Variants in DOCK5 observed in about 807,000 individuals in gnomAD.
The protein encoded by DOCK5 is dedicator of cytokinesis protein 5.
Under a neutral mutation model 251.8 loss-of-function variants are expected in DOCK5, and 142 were observed. That is an observed-to-expected ratio of 0.56 (90% CI 0.49 to 0.65). The LOEUF (loss-of-function observed/expected upper bound fraction) is 0.65, where lower values mean the gene tolerates loss of function less well. Ranked by LOEUF, DOCK5 falls within the 30% of genes least tolerant of loss-of-function variation. The pLI is 0.00. For missense variants in DOCK5, 2,111 were observed against 2,312.3 expected (o/e 0.91, Z 1.79); for synonymous variants, 842 against 835.5 (o/e 1.01, Z -0.13).
chr8:25,400,962 G>T lies in DOCK5; in HGVS notation c.4822G>T (p.Gly1608Trp). 6.2e-7 allele frequency: 1 copy of T among 1,613,998 alleles called. No homozygotes were observed. The highest frequency in any genetic ancestry group is 8.5e-7 in the Non-Finnish European group (1 of 1,179,886). ...PLLTEGIRIHGEKLTEQLKPL... is the reference protein window; with the variant it reads ...PLLTEGIRIHWEKLTEQLKPL... ...GCTAACAGAAGGGATCCGCATCCAT[G>T]GGGAGAAACTCACAGAGCAGCTGAA... Residue 1608 changes from glycine (G) to tryptophan (W), a missense_variant, in exon 47 of 52, where the codon GGG (glycine) becomes TGG (tryptophan). By Grantham distance (184) the Gly-to-Trp change is radical. This residue lies in a region of DOCK5 where 1,717 missense variants were observed against 1,892.4 expected (regional missense o/e 0.91). Transcript: ENST00000276440.
At chr8:25,392,451 C>G (rs915731203) in intron 43 of DOCK5, among the ~76,000 whole-genome samples, 2 of 152,230 alleles carry the variant, frequency 1.3e-5, no homozygotes, top group South Asian at 2.1e-4. Context: ...ATTACCTAGA[C>G]AGCCAGCTGT....
At chr8:25,379,849 TACACAC>T (rs10569921) in intron 38 of DOCK5, among the ~76,000 whole-genome samples, 21 of 146,692 alleles carry the variant, frequency 1.4e-4, no homozygotes, top group African/African-American at 3.0e-4. Context: ...TCACTACACC[TACACAC>T]ACACACACAC....
At chr8:25,288,000 C>T (rs1034275768) in intron 5 of DOCK5, among the ~76,000 whole-genome samples, 1 of 151,730 alleles carries the variant, frequency 6.6e-6, no homozygotes, top group Non-Finnish European at 1.5e-5. Flanking sequence ...ATTCTCCTGC[C>T]TCAGCCTCTT....
intron 3 of DOCK5, among the ~76,000 whole-genome samples, chr8:25,271,830 T>C (rs868687816): frequency 2.0e-5 from 3 of 152,304 alleles, no homozygotes; most frequent in Middle Eastern, 6.8e-3. Flanking sequence ...TTACTCTGAC[T>C]TTCTGTGTGT....
chr8:25,291,760 G>C (rs1016258240), intron 5 of DOCK5, among the ~76,000 whole-genome samples: 1 of 150,218 alleles, frequency 6.7e-6, no homozygotes, highest in Non-Finnish European at 1.5e-5. Flanking sequence ...GGCCGAGGCG[G>C]GTAGATCCAT....
At chr8:25,217,752 T>C (rs1236889571) in intron 1 of DOCK5, among the ~76,000 whole-genome samples, 1 of 152,196 alleles carries the variant, frequency 6.6e-6, no homozygotes, top group Admixed American at 6.5e-5. Context: ...GCAGTATGCA[T>C]GACATTAATC....
At chr8:25,303,728 G>A (rs1283811580) in intron 10 of DOCK5, among the ~76,000 whole-genome samples, 6 of 152,148 alleles carry the variant, frequency 3.9e-5, no homozygotes, top group Non-Finnish European at 7.4e-5. Context: ...TTGGGAGGCC[G>A]AGGCAGGCAG....
chr8:25,202,281 CTG>C (rs939235689), intron 1 of DOCK5, among the ~76,000 whole-genome samples: 1 of 152,252 alleles, frequency 6.6e-6, no homozygotes, highest in African/African-American at 2.4e-5. Context: ...GCCTCCCAAA[CTG>C]TTGGCATTAC....
chr8:25,370,171 C>G (rs1340992415), intron 34 of DOCK5, among the ~76,000 whole-genome samples: 3 of 152,204 alleles, frequency 2.0e-5, no homozygotes, highest in African/African-American at 7.2e-5. Flanking sequence ...CCTCTTCCCC[C>G]ACCACCACAC....
At chr8:25,286,379 AC>A (rs1227841241) in intron 5 of DOCK5, among the ~76,000 whole-genome samples, 1 of 152,216 alleles carries the variant, frequency 6.6e-6, no homozygotes, top group Non-Finnish European at 1.5e-5. Flanking sequence ...AGACTCAAAG[AC>A]GCTTATCCTT....
intron 10 of DOCK5, 53 bp downstream of exon 10, chr8:25,302,507 A>G: frequency 6.9e-7 from 1 of 1,439,410 alleles, no homozygotes; most frequent in Non-Finnish European, 9.2e-7. Flanking sequence ...TGTGGAAAAT[A>G]GCATGGCGAT....
In DOCK5 at chr8:25,325,376, A is replaced by G; in HGVS notation, c.1732A>G (p.Lys578Glu). 6.2e-7 allele frequency: 1 copy of G among 1,613,654 alleles called. No homozygotes were observed. Among genetic ancestry groups the G allele is most frequent in the Middle Eastern group, 1.7e-4 (1 of 6,058 alleles). The change falls in exon 18 of 52, where the codon AAA becomes GAA. Residue 578 changes from lysine to glutamate, a missense_variant. By Grantham distance (56) the Lys-to-Glu change is moderately conservative (BLOSUM62 1). This residue lies in a region of DOCK5 where 1,717 missense variants were observed against 1,892.4 expected (regional missense o/e 0.91). Transcript: ENST00000276440. ...DLVVYKGDNK[K>E]MEDAKFYLTL... ...TGCTTCCTTTTAGGGTGACAACAAA[A>G]AAATGGAAGATGCTAAATTCTACCT...
intron 22 of DOCK5, 110 bp from the exon 23 acceptor site, chr8:25,340,767 A>C (rs956905923): frequency 2.9e-5 from 25 of 858,968 alleles, no homozygotes; most frequent in Non-Finnish European, 4.4e-5. Context: ...TAGGTGAGTC[A>C]GAATGATTAG....
At chr8:25,185,012 C>T in intron 1 of DOCK5, 61 bp downstream of exon 1, 1 of 1,292,114 alleles carries the variant, frequency 7.7e-7, no homozygotes, top group Non-Finnish European at 9.9e-7. Context: ...CGGACAGCGG[C>T]CCTGCCAGGT....
At chr8:25,269,556 G>A (rs975429497) in intron 3 of DOCK5, among the ~76,000 whole-genome samples, 4 of 152,074 alleles carry the variant, frequency 2.6e-5, no homozygotes, top group African/African-American at 9.7e-5. Flanking sequence ...TGCAACAAAG[G>A]CACAGTTTGA....
chr8:25,411,539 T>A lies in DOCK5; in HGVS notation c.*241T>A. 2.3e-6 allele frequency: 1 copy of A among 439,156 alleles called. No individual in the cohort carries two copies. The highest frequency in any genetic ancestry group is 3.8e-6 in the Non-Finnish European group (1 of 265,352). 27.2% of individuals were successfully genotyped at this position (439,156 alleles called of 1,614,324 possible). A position where few individuals can be genotyped will look rare whatever the true frequency, so the allele number is the denominator to read the frequency against. On this transcript the variant is annotated 3_prime_UTR_variant, in exon 52 of 52. Coordinates refer to ENST00000276440, the MANE Select transcript of DOCK5 (RefSeq NM_024940.8). The stretch of plus-strand genomic sequence containing the variant: ...CCAGAATCAGTCACAGCCTCTGATT[T>A]TTTCCAAGAAGAGATTGCCTTCACC...
chr8:25,201,235 A>G (rs1563305865), intron 1 of DOCK5, among the ~76,000 whole-genome samples: 1 of 152,208 alleles, frequency 6.6e-6, no homozygotes, highest in Non-Finnish European at 1.5e-5. Context: ...TGAATAAACC[A>G]TTAGCCTCAG....
chr8:25,245,642 C>T (rs866853350), intron 2 of DOCK5, among the ~76,000 whole-genome samples: 10 of 151,344 alleles, frequency 6.6e-5, no homozygotes, highest in South Asian at 2.1e-4. Context: ...TGGGTTCAAG[C>T]GATTCTCATG....
At chr8:25,229,844 C>T (rs534238052) in intron 1 of DOCK5, among the ~76,000 whole-genome samples, 1 of 152,086 alleles carries the variant, frequency 6.6e-6, no homozygotes, top group East Asian at 1.9e-4. Flanking sequence ...TTTTATTGTT[C>T]ACTGTAAAAG....
Sources: gnomAD v4.1 joint callset for allele counts (sites outside exome capture counted in the v4.1 genomes callset) on GRCh38, gnomAD v4.1.1 for gene constraint, gnomAD v4.1.1 regional missense constraint, MANE v1.5 for transcripts, NCBI Gene and HGNC (gene_info 2026-07-23, HGNC 2026-07-21) for gene names.